The following KCNQ3 variants were observed in gnomAD, a reference collection of about 807,000 sequenced individuals.
The protein encoded by KCNQ3 is potassium voltage-gated channel subfamily KQT member 3.
In KCNQ3, 30 loss-of-function variants were observed where a neutral mutation model predicts 92.5. The observed-to-expected ratio is 0.32, with a 90% CI of 0.24 to 0.44. The LOEUF is 0.44. Among genes scored for constraint, KCNQ3 ranks in the 20% least tolerant of loss-of-function variants. The pLI is 1.00. For missense variants in KCNQ3, 913 were observed against 1,140.3 expected (o/e 0.80, Z 2.87); for synonymous variants, 450 against 468.8 (o/e 0.96, Z 0.52).
At chr8:132,310,857 G>T (rs1216009418) in intron 1 of KCNQ3, among the ~76,000 whole-genome samples, 2 of 151,958 alleles carry the variant, frequency 1.3e-5, no homozygotes, top group Non-Finnish European at 2.9e-5. Flanking sequence ...AAAGTGATGG[G>T]TTTGAGGAAA....
chr8:132,198,222 G>T (rs73356960), intron 1 of KCNQ3, among the ~76,000 whole-genome samples: 4,112 of 152,274 alleles, frequency 0.027, 216 homozygotes, highest in African/African-American at 0.095. Context: ...GCTTGGAAGA[G>T]AATCCTTCCT....
intron 1 of KCNQ3, among the ~76,000 whole-genome samples, chr8:132,380,931 G>GAAAAAAAAAAAAAAAAAAA (rs553931640): frequency 2.3e-5 from 2 of 87,466 alleles, no homozygotes; most frequent in African/African-American, 3.7e-5. Context: ...AATGAAAGCA[G>GAAAAAAAAAAAAAAAAAAA]AAAAAAAAAA....
chr8:132,175,502 T>A lies in KCNQ3; in HGVS notation c.884A>T (p.Glu295Val). 6.2e-7 allele frequency: 1 copy of A among 1,614,154 alleles called. No homozygotes were observed. Among genetic ancestry groups the A allele is most frequent in the South Asian group, 1.1e-5 (1 of 91,084 alleles). ...DVPEVDAQGE[E>V]MKEEFETYAD... ...ATAGGTCTCAAACTCCTCTTTCATC[T>A]CCTCTCCTTGTGCATCCACCTCTGG... Residue 295 changes from glutamate (E) to valine (V), a missense_variant, in exon 5 of 15, where the codon GAG becomes GTG. Coordinates refer to ENST00000388996, the MANE Select transcript of KCNQ3 (RefSeq NM_004519.4).
At chr8:132,292,183 G>C (rs958727481) in intron 1 of KCNQ3, among the ~76,000 whole-genome samples, 3 of 152,192 alleles carry the variant, frequency 2.0e-5, no homozygotes, top group Admixed American at 2.0e-4. Flanking sequence ...GTCTCACTGG[G>C]GTGAAGAGCT....
At chr8:132,409,389 T>C (rs1820588262) in intron 1 of KCNQ3, among the ~76,000 whole-genome samples, 2 of 151,948 alleles carry the variant, frequency 1.3e-5, no homozygotes, top group South Asian at 4.2e-4. Flanking sequence ...TCCCAAACCT[T>C]GCACAACCCA....
chr8:132,223,704 T>C (rs1814311306), intron 1 of KCNQ3, among the ~76,000 whole-genome samples: 5 of 152,104 alleles, frequency 3.3e-5, no homozygotes, highest in African/African-American at 1.2e-4. Context: ...GCGTGGAGTA[T>C]GGTTGGATTA....
At chr8:132,479,641 AC>A in intron 1 of KCNQ3, among the ~76,000 whole-genome samples, 1 of 151,400 alleles carries the variant, frequency 6.6e-6, no homozygotes, top group African/African-American at 2.4e-5. Flanking sequence ...ACACACACAC[AC>A]ACACACACAC....
At chr8:132,239,740 C>T (rs1050264500) in intron 1 of KCNQ3, among the ~76,000 whole-genome samples, 1 of 152,152 alleles carries the variant, frequency 6.6e-6, no homozygotes, top group African/African-American at 2.4e-5. Flanking sequence ...TTAAAGATAG[C>T]AGAGCAATTC....
intron 1 of KCNQ3, among the ~76,000 whole-genome samples, chr8:132,298,761 T>G (rs1353173803): frequency 1.3e-5 from 2 of 152,012 alleles, no homozygotes; most frequent in Non-Finnish European, 2.9e-5. Context: ...GTACAAAAAT[T>G]TGCTGGGCAT....
intron 1 of KCNQ3, among the ~76,000 whole-genome samples, chr8:132,346,008 T>C (rs1277233480): frequency 6.6e-6 from 1 of 151,232 alleles, no homozygotes; most frequent in Non-Finnish European, 1.5e-5. Flanking sequence ...ATGATGACAA[T>C]GATGATGATG....
intron 12 of KCNQ3, among the ~76,000 whole-genome samples, chr8:132,134,695 C>A (rs1384283265): frequency 6.6e-6 from 1 of 151,416 alleles, no homozygotes; most frequent in Non-Finnish European, 1.5e-5. Flanking sequence ...TCTTTCTATC[C>A]CAGGAGAGAG....
intron 1 of KCNQ3, among the ~76,000 whole-genome samples, chr8:132,441,537 G>C (rs913469564): frequency 1.3e-5 from 2 of 152,172 alleles, no homozygotes; most frequent in Admixed American, 1.3e-4. Flanking sequence ...CTGGGCGATA[G>C]AGCGAGACTC....
intron 1 of KCNQ3, among the ~76,000 whole-genome samples, chr8:132,224,113 T>A (rs1814329387): frequency 7.0e-6 from 1 of 143,446 alleles, no homozygotes; most frequent in African/African-American, 2.7e-5. Context: ...TTTTTTTGCT[T>A]TTGGAGAGAC....
intron 1 of KCNQ3, among the ~76,000 whole-genome samples, chr8:132,380,020 T>C (rs1270817260): frequency 1.3e-5 from 2 of 152,072 alleles, no homozygotes; most frequent in Admixed American, 1.3e-4. Context: ...TATACAACCA[T>C]ACGCTTTATT....
chr8:132,238,108 G>A (rs1294424853), intron 1 of KCNQ3, among the ~76,000 whole-genome samples: 6 of 152,084 alleles, frequency 3.9e-5, no homozygotes, highest in Non-Finnish European at 8.8e-5. Flanking sequence ...TGTACAATGG[G>A]CCCCAGTAAA....
chr8:132,169,856 C>CTT (rs1826263731), intron 8 of KCNQ3, among the ~76,000 whole-genome samples: 1 of 151,028 alleles, frequency 6.6e-6, no homozygotes, highest in African/African-American at 2.4e-5. Context: ...TTTTTTTTTT[C>CTT]TTTATTTTTA....
At chr8:132,198,307 G>T (rs72719107) in intron 1 of KCNQ3, among the ~76,000 whole-genome samples, 6,448 of 152,278 alleles carry the variant, frequency 0.042, 211 homozygotes, top group Non-Finnish European at 0.061. Flanking sequence ...CTGAACAGAA[G>T]ACCTAGGTAA....
intron 1 of KCNQ3, among the ~76,000 whole-genome samples, chr8:132,416,006 AG>A (rs1820792901): frequency 6.6e-6 from 1 of 152,176 alleles, no homozygotes; most frequent in Admixed American, 6.5e-5. Context: ...AGGTTCAGGG[AG>A]GTCATATGAC....
intron 1 of KCNQ3, among the ~76,000 whole-genome samples, chr8:132,286,718 G>A (rs1816688444): frequency 6.6e-6 from 1 of 152,194 alleles, no homozygotes; most frequent in African/African-American, 2.4e-5. Context: ...ATTTGTCACT[G>A]TCAAAACTTA....
Sources: allele counts gnomAD v4.1 joint callset (sites outside exome capture counted in the v4.1 genomes callset), GRCh38; gene constraint gnomAD v4.1.1; transcripts MANE v1.5; gene names NCBI Gene and HGNC (gene_info 2026-07-23, HGNC 2026-07-21).